RBBP8: variants seen among roughly 807,000 people sequenced by gnomAD.
RBBP8 encodes the protein DNA endonuclease RBBP8.
In RBBP8, 88 loss-of-function variants were observed where a neutral mutation model predicts 108.3. The observed-to-expected ratio is 0.81, with a 90% CI of 0.68 to 0.97. The LOEUF (loss-of-function observed/expected upper bound fraction) is 0.97, where lower values mean the gene tolerates loss of function less well. RBBP8 is among the 50% of genes least tolerant of loss of function. The pLI is 0.00. For missense variants in RBBP8, 1,023 were observed against 1,049.0 expected (o/e 0.98, Z 0.34); for synonymous variants, 332 against 348.2 (o/e 0.95, Z 0.52).
At chr18:23,004,056 CAAAAAA>C (rs34653966) in intron 15 of RBBP8, among the ~76,000 whole-genome samples, 2 of 69,670 alleles carry the variant, frequency 2.9e-5, no homozygotes, top group South Asian at 1.1e-3. Context: ...GACCCCGTCT[CAAAAAA>C]AAAAAAAAAA....
chr18:22,926,585 C>T (rs1043591458), intron 3 of RBBP8, among the ~76,000 whole-genome samples: 2 of 152,076 alleles, frequency 1.3e-5, no homozygotes, highest in Non-Finnish European at 2.9e-5. Flanking sequence ...AAATTATGTG[C>T]CAGTAAAACT....
intron 4 of RBBP8, among the ~76,000 whole-genome samples, chr18:22,952,105 G>A (rs1912095376): frequency 1.3e-5 from 2 of 152,204 alleles, no homozygotes; most frequent in African/African-American, 4.8e-5. Context: ...ATGAGTGATA[G>A]GAGTGAGATT....
chr18:22,920,663 T>C (rs1230280029), intron 3 of RBBP8: 1 of 152,166 alleles, frequency 6.6e-6, no homozygotes, highest in Non-Finnish European at 1.5e-5. Context: ...AAATATAAGA[T>C]TGATTATAAC....
chr18:23,016,136 C>T (rs1200241530), intron 16 of RBBP8, among the ~76,000 whole-genome samples: 1 of 152,174 alleles, frequency 6.6e-6, no homozygotes, highest in Non-Finnish European at 1.5e-5. Context: ...TCTCGAACTC[C>T]TGACCTCAAG....
At chr18:23,012,244 C>T (rs922551752) in intron 16 of RBBP8, among the ~76,000 whole-genome samples, 2 of 141,652 alleles carry the variant, frequency 1.4e-5, no homozygotes, top group Non-Finnish European at 3.0e-5. Context: ...AACTATGATG[C>T]CCTTTAAGTA....
At chr18:23,007,113 T>C (rs376124060) in intron 16 of RBBP8, among the ~76,000 whole-genome samples, 1 of 150,958 alleles carries the variant, frequency 6.6e-6, no homozygotes, top group African/African-American at 2.4e-5. Context: ...CTCTGTCTCC[T>C]GGGTTCAAGT....
chr18:22,984,596 A>C (rs886582114), intron 7 of RBBP8, among the ~76,000 whole-genome samples: 5 of 152,172 alleles, frequency 3.3e-5, no homozygotes, highest in African/African-American at 9.7e-5. Context: ...CAAATATAAA[A>C]AGAGAAGTAA....
chr18:22,975,331 TA>T (rs1418990854), intron 6 of RBBP8, 112 bp downstream of exon 6: 41 of 1,441,314 alleles, frequency 2.8e-5, no homozygotes, highest in South Asian at 6.8e-5. Flanking sequence ...GTTCTGTAGT[TA>T]AAAAATACAA....
chr18:22,934,247 A>G (rs1327010849), intron 1 of RBBP8: 1 of 152,306 alleles, frequency 6.6e-6, no homozygotes, highest in African/African-American at 2.4e-5. Flanking sequence ...ATGCTAACAA[A>G]AAGTGCCGGG....
chr18:22,970,999 C>G (rs985386058), intron 5 of RBBP8, among the ~76,000 whole-genome samples: 3 of 152,258 alleles, frequency 2.0e-5, no homozygotes, highest in East Asian at 3.9e-4. Flanking sequence ...TAGAAATTTA[C>G]CATCTTTAGA....
At chr18:22,924,133 T>TG (rs796457060) in intron 3 of RBBP8, among the ~76,000 whole-genome samples, 3 of 139,798 alleles carry the variant, frequency 2.1e-5, no homozygotes, top group African/African-American at 8.1e-5. Context: ...TTTGGTTTTT[T>TG]TTTTTTTTTT....
chr18:22,973,043 T>C (rs1228036086), intron 5 of RBBP8, among the ~76,000 whole-genome samples: 1 of 152,174 alleles, frequency 6.6e-6, no homozygotes, highest in Non-Finnish European at 1.5e-5. Context: ...CTGATTTTCT[T>C]GTCTCGGTAT....
At chr18:23,003,786 A>C (rs1413473497) in intron 15 of RBBP8, among the ~76,000 whole-genome samples, 3 of 152,276 alleles carry the variant, frequency 2.0e-5, no homozygotes, top group South Asian at 4.1e-4. Context: ...GCCATTTTAG[A>C]AAATGATATG....
intron 5 of RBBP8, among the ~76,000 whole-genome samples, chr18:22,973,846 A>G (rs1190812770): frequency 6.6e-6 from 1 of 152,098 alleles, no homozygotes; most frequent in East Asian, 1.9e-4. Flanking sequence ...TTCTCCTTGG[A>G]AATTTCCTTA....
chr18:23,007,406 G>GTA (rs2046073183), intron 16 of RBBP8, among the ~76,000 whole-genome samples: 1 of 151,630 alleles, frequency 6.6e-6, no homozygotes, highest in Non-Finnish European at 1.5e-5. Context: ...GTTTTATGTA[G>GTA]TATAAGACTT....
Position 22,982,390 on chromosome 18 carries a change from A to T in RBBP8, c.601A>T (p.Asn201Tyr), listed in dbSNP as rs1272138723. The T allele has an allele frequency of 6.2e-7, 1 of 1,613,948 alleles. No individual in the cohort carries two copies. The highest frequency in any genetic ancestry group is 1.1e-5 in the South Asian group (1 of 91,066). The change falls in exon 7 of 19, where the codon AAT (asparagine) becomes TAT (tyrosine). Residue 201 changes from asparagine (N) to tyrosine (Y), a missense_variant. Coordinates refer to ENST00000327155, the MANE Select transcript of RBBP8 (RefSeq NM_002894.3). ...HTKLEHSVCA[N>Y]EMRKVSKSST... The stretch of plus-strand genomic sequence containing the variant: ...TAAATTGGAGCACTCTGTGTGTGCA[A>T]ATGGTAAGAGTTGGAGTTGTATTTT...
Position 22,949,664 on chromosome 18 carries a change from AG to A in RBBP8, c.202del (p.Glu68AsnfsTer13), listed in dbSNP as rs753656237. On this transcript the variant is annotated frameshift_variant, in exon 4 of 19. Transcript: ENST00000327155. LOFTEE classifies it high-confidence loss of function. ...ATTCTTCACCAAAAATCAACAGCTG[AG>A]GGAACAGCAGAAAGTCCTTCATGAA... The part of the protein sequence containing the change: ...EEFFTKNQQL[R>X]EQQKVLHETI... 6.2e-7 allele frequency: 1 copy of A among 1,613,508 alleles called. No individual in the cohort carries two copies. Among genetic ancestry groups the A allele is most frequent in the African/African-American group, 1.3e-5 (1 of 74,924 alleles).
intron 2 of RBBP8, among the ~76,000 whole-genome samples, chr18:22,939,363 G>A (rs879628907): frequency 8.6e-5 from 13 of 152,034 alleles, no homozygotes; most frequent in Non-Finnish European, 1.6e-4. Context: ...AAAATTAGCC[G>A]GGTGTGGTGG....
At chr18:22,938,655 G>A (rs933690321) in intron 2 of RBBP8, among the ~76,000 whole-genome samples, 2 of 152,146 alleles carry the variant, frequency 1.3e-5, no homozygotes, top group African/African-American at 4.8e-5. Flanking sequence ...CTGAAGACCT[G>A]CATTTGAATT....
Sources: allele counts gnomAD v4.1 joint callset (sites outside exome capture counted in the v4.1 genomes callset), GRCh38; gene constraint gnomAD v4.1.1; transcripts MANE v1.5; gene names NCBI Gene and HGNC (gene_info 2026-07-23, HGNC 2026-07-21).